Variants in IL1RAPL2 observed in about 807,000 individuals in gnomAD.
IL1RAPL2 encodes the protein interleukin 1 receptor accessory protein like 2, also known as X-linked interleukin-1 receptor accessory protein-like 2.
Under a neutral mutation model 44.1 loss-of-function variants are expected in IL1RAPL2, and 3 were observed. The observed-to-expected ratio is 0.07, with a 90% CI of 0.03 to 0.18. IL1RAPL2 has a LOEUF of 0.18. Among genes scored for constraint, IL1RAPL2 ranks in the 10% least tolerant of loss-of-function variants. The probability of loss-of-function intolerance (pLI) is 1.00; values close to 1 mark genes in which losing one functional copy is unlikely to be tolerated. For missense variants in IL1RAPL2, 391 were observed against 496.4 expected, an observed-to-expected ratio of 0.79 and a Z score of 2.02; for synonymous variants, 181 against 178.8, an observed-to-expected ratio of 1.01 and a Z score of -0.10.
intron 2 of IL1RAPL2, among the ~76,000 whole-genome samples, chrX:104,772,318 A>G (rs758874547): frequency 2.7e-5 from 3 of 112,289 alleles, no homozygotes; most frequent in African/African-American, 6.5e-5. Context: ...CAAAAATACA[A>G]TTTACTAAGT....
intron 2 of IL1RAPL2, among the ~76,000 whole-genome samples, chrX:105,106,319 G>T (rs2032743788): frequency 9.0e-6 from 1 of 111,057 alleles, no homozygotes; most frequent in South Asian, 3.8e-4. Context: ...ATGGCCTCTG[G>T]AGCCATTCTA....
chrX:104,726,190 G>C (rs1396654876), intron 2 of IL1RAPL2, among the ~76,000 whole-genome samples: 1 of 109,807 alleles, frequency 9.1e-6, no homozygotes, highest in African/African-American at 3.3e-5. Flanking sequence ...AAGATCAGAG[G>C]GTATGTGGCA....
rs753919491 is a variant in IL1RAPL2, at chrX:105,331,719, G to T, written c.697+64178G>T. ...TAATTGAAATAATTAATTCCAATTAGAATAACAGGCATAACTGTCTTTATA... is the reference window on the plus strand; with the variant it reads ...TAATTGAAATAATTAATTCCAATTATAATAACAGGCATAACTGTCTTTATA... On this transcript the variant is annotated intron_variant, in intron 5 of 10. Transcript: ENST00000372582. Among the ~76,000 whole-genome samples the T allele has an allele frequency of 6.3e-5, 7 of 111,713 alleles. No individual in the cohort carries two copies. In the South Asian group the frequency reaches 2.6e-3, roughly 42 times the overall value.
At position 104,883,279 on chromosome X, in the gene IL1RAPL2, C is replaced by T. The variant is rs191205648; in HGVS notation, c.82+224284C>T. ...TGGGCACCTGTCGGCCAGTTAAAAG[C>T]GACTAGTGCGGCCACCAGACTAAAG... On this transcript the variant is annotated intron_variant, in intron 2 of 10. Coordinates refer to ENST00000372582, the MANE Select transcript of IL1RAPL2 (RefSeq NM_017416.2). Among the ~76,000 whole-genome samples, 33 of 111,434 alleles carry T rather than the reference C, an allele frequency of 3.0e-4. 2 individuals are homozygous for T. The East Asian group carries it at 7.1e-3, about 24-fold the overall frequency.
chrX:105,214,616 C>A (rs1013758011), intron 3 of IL1RAPL2, among the ~76,000 whole-genome samples: 1 of 111,364 alleles, frequency 9.0e-6, no homozygotes, highest in Non-Finnish European at 1.9e-5. Context: ...CAGCTCTGAA[C>A]CAAATGGACC....
intron 2 of IL1RAPL2, among the ~76,000 whole-genome samples, chrX:104,919,303 G>A (rs1452871291): frequency 3.8e-5 from 4 of 106,136 alleles, no homozygotes; most frequent in Admixed American, 3.1e-4. Context: ...TCGGCTCACT[G>A]CAACCTCTGC....
intron 4 of IL1RAPL2, among the ~76,000 whole-genome samples, chrX:105,261,574 T>C (rs1462844109): frequency 3.6e-5 from 4 of 111,609 alleles, no homozygotes; most frequent in Admixed American, 9.6e-5. Context: ...ACTGACTGGG[T>C]AAAAAGGAAC....
intron 3 of IL1RAPL2, among the ~76,000 whole-genome samples, chrX:105,204,154 A>G (rs1390252618): frequency 9.0e-6 from 1 of 110,575 alleles, no homozygotes; most frequent in Non-Finnish European, 1.9e-5. Context: ...GGCAAGATAG[A>G]TTAAAGGAAA....
intron 7 of IL1RAPL2, among the ~76,000 whole-genome samples, chrX:105,735,626 A>G (rs760788224): frequency 9.0e-6 from 1 of 111,440 alleles, no homozygotes; most frequent in Admixed American, 9.6e-5. Context: ...CATTTTTTGG[A>G]TAACTTAGTC....
At chrX:104,906,201 T>G (rs1440897340) in intron 2 of IL1RAPL2, among the ~76,000 whole-genome samples, 7 of 111,674 alleles carry the variant, frequency 6.3e-5, no homozygotes, top group Non-Finnish European at 1.1e-4. Flanking sequence ...GAGGAGATTT[T>G]GGGCTGAGAC....
At chrX:105,353,455 C>G (rs1221109283) in intron 5 of IL1RAPL2, among the ~76,000 whole-genome samples, 2 of 111,362 alleles carry the variant, frequency 1.8e-5, no homozygotes, top group Non-Finnish European at 3.8e-5. Context: ...TAGTTTTTTT[C>G]CAATTCTGTG....
rs180847742 is a variant in IL1RAPL2, at chrX:105,766,213, T to G, written c.1364-751T>G. ...CTTTTCAGTTGGTAGACTCCTTCAC[T>G]GTTCATTTCACACCATCCCCCACCT... On this transcript the variant is annotated intron_variant, in intron 10 of 10. Transcript: ENST00000372582. Among the ~76,000 whole-genome samples, 288 of 112,128 alleles carry G rather than the reference T, an allele frequency of 2.6e-3. 1 individual carries two copies. Among genetic ancestry groups the G allele is most frequent in the Non-Finnish European group, 4.5e-3 (240 of 53,243 alleles).
At chrX:104,935,397 A>G (rs1225192141) in intron 2 of IL1RAPL2, among the ~76,000 whole-genome samples, 3 of 111,944 alleles carry the variant, frequency 2.7e-5, no homozygotes, top group Non-Finnish European at 5.6e-5. Flanking sequence ...TTTCATTAAG[A>G]CTTGGAAAAT....
intron 2 of IL1RAPL2, among the ~76,000 whole-genome samples, chrX:104,716,164 C>T (rs754629307): frequency 9.0e-6 from 1 of 111,108 alleles, no homozygotes; most frequent in African/African-American, 3.3e-5. Context: ...AAACTTAACA[C>T]AAACAAGCAA....
At chrX:105,569,809 A>G (rs375894986) in intron 6 of IL1RAPL2, among the ~76,000 whole-genome samples, 2 of 111,687 alleles carry the variant, frequency 1.8e-5, no homozygotes, top group East Asian at 5.7e-4. Flanking sequence ...TCATTTAAGT[A>G]TGTCTTCCTC....
At chrX:104,872,470 A>G (rs1464693851) in intron 2 of IL1RAPL2, among the ~76,000 whole-genome samples, 2 of 112,171 alleles carry the variant, frequency 1.8e-5, no homozygotes, top group African/African-American at 6.5e-5. Flanking sequence ...CCTAAGCTTC[A>G]TTAGCTACAT....
At chrX:104,668,432 C>G (rs1009475587) in intron 2 of IL1RAPL2, among the ~76,000 whole-genome samples, 17 of 103,168 alleles carry the variant, frequency 1.6e-4, no homozygotes, top group Non-Finnish European at 3.0e-4. Context: ...CCCATTAACT[C>G]GTCATTTAGC....
intron 2 of IL1RAPL2, among the ~76,000 whole-genome samples, chrX:104,834,034 C>G (rs1205440198): frequency 5.4e-5 from 6 of 111,348 alleles, no homozygotes; most frequent in African/African-American, 2.0e-4. Flanking sequence ...ACAAAGGAAC[C>G]ACTAATCTTT....
At chrX:105,454,380 C>T in intron 5 of IL1RAPL2, among the ~76,000 whole-genome samples, 1 of 111,420 alleles carries the variant, frequency 9.0e-6, no homozygotes, top group Non-Finnish European at 1.9e-5. Context: ...GCCGAAGAGC[C>T]CCTGTATCTC....
Sources: allele counts gnomAD v4.1 joint callset (sites outside exome capture counted in the v4.1 genomes callset), GRCh38; gene constraint gnomAD v4.1.1; transcripts MANE v1.5; gene names NCBI Gene and HGNC (gene_info 2026-07-23, HGNC 2026-07-21).